MAGI3: variants seen among roughly 807,000 people sequenced by gnomAD.
MAGI3 encodes the protein membrane-associated guanylate kinase, WW and PDZ domain-containing protein 3.
In MAGI3, 43 loss-of-function variants were observed where a neutral mutation model predicts 121.8. The observed-to-expected ratio is 0.35, with a 90% CI of 0.28 to 0.46. The LOEUF (loss-of-function observed/expected upper bound fraction) is 0.46, where lower values mean the gene tolerates loss of function less well. Ranked by LOEUF, MAGI3 falls within the 20% of genes least tolerant of loss-of-function variation. MAGI3 has a pLI of 1.00. For synonymous variants in MAGI3, 553 were observed against 639.3 expected (o/e 0.86, Z 2.04); for missense variants, 1,547 against 1,797.3 (o/e 0.86, Z 2.52).
At chr1:113,439,087 G>A (rs763233969) in intron 1 of MAGI3, among the ~76,000 whole-genome samples, 5 of 152,140 alleles carry the variant, frequency 3.3e-5, no homozygotes, top group East Asian at 1.9e-4. Flanking sequence ...CTGTGATACC[G>A]TGACAGTTTA....
At position 113,643,865 on chromosome 1, in the gene MAGI3, A is replaced by G. The variant is rs1009955247; in HGVS notation, c.1998+91A>G. On this transcript the variant is annotated intron_variant, in intron 11 of 20. Transcript: ENST00000307546. ...GTAAGAGGAGCTCACTGTGGTGATG[A>G]TTATCGACTGGGAGAAGTTAGGAGG... is the stretch of plus-strand genomic sequence containing the variant. 10 of 1,297,972 alleles carry G rather than the reference A, an allele frequency of 7.7e-6. No homozygotes were observed. The African/African-American group carries it at 1.0e-4, about 13-fold the overall frequency. The allele number at this position is 1,297,972 out of a possible 1,614,324, so 80.4% of individuals were successfully genotyped here. A position where few individuals can be genotyped will look rare whatever the true frequency, so the allele number is the denominator to read the frequency against.
intron 1 of MAGI3, among the ~76,000 whole-genome samples, chr1:113,534,344 C>A (rs1013147503): frequency 2.0e-5 from 3 of 152,150 alleles, no homozygotes; most frequent in African/African-American, 7.2e-5. Context: ...ATGCTCTAAT[C>A]CTTTAAGGTC....
At chr1:113,494,003 C>T (rs1656792219) in intron 1 of MAGI3, among the ~76,000 whole-genome samples, 1 of 152,164 alleles carries the variant, frequency 6.6e-6, no homozygotes, top group African/African-American at 2.4e-5. Context: ...CCATTTGACT[C>T]ATCAATTTCA....
intron 1 of MAGI3, among the ~76,000 whole-genome samples, chr1:113,461,860 C>T: frequency 6.6e-6 from 1 of 151,956 alleles, no homozygotes; most frequent in African/African-American, 2.4e-5. Context: ...CTATAAAGAA[C>T]TTAAGTAAAT....
intron 7 of MAGI3, chr1:113,618,748 C>T (rs1245812229): frequency 4.4e-6 from 1 of 228,108 alleles, no homozygotes; most frequent in Non-Finnish European, 8.8e-6. Flanking sequence ...TCGTGATCTG[C>T]CTGCCTTGGC....
chr1:113,490,050 A>G (rs1656592923), intron 1 of MAGI3, among the ~76,000 whole-genome samples: 1 of 152,148 alleles, frequency 6.6e-6, no homozygotes, highest in Non-Finnish European at 1.5e-5. Context: ...CCCAAGTAAA[A>G]TACTTCACAA....
At chr1:113,633,735 C>T (rs1244001817) in intron 9 of MAGI3, among the ~76,000 whole-genome samples, 1 of 152,110 alleles carries the variant, frequency 6.6e-6, no homozygotes, top group Non-Finnish European at 1.5e-5. Flanking sequence ...ATCTATAGTC[C>T]TTTGGGTATA....
intron 1 of MAGI3, among the ~76,000 whole-genome samples, chr1:113,481,679 A>C (rs1029365285): frequency 5.3e-5 from 8 of 152,202 alleles, no homozygotes; most frequent in African/African-American, 1.9e-4. Context: ...GATCAAAGCC[A>C]GTGTTTACCA....
chr1:113,617,993 T>C (rs1366851310), intron 7 of MAGI3, among the ~76,000 whole-genome samples: 4 of 152,198 alleles, frequency 2.6e-5, no homozygotes, highest in Non-Finnish European at 4.4e-5. Context: ...GGAACTGATA[T>C]GTAGTAGTAG....
At chr1:113,571,343 T>C (rs936031819) in intron 2 of MAGI3, among the ~76,000 whole-genome samples, 9 of 152,346 alleles carry the variant, frequency 5.9e-5, no homozygotes, top group African/African-American at 2.2e-4. Context: ...TCCAGCTTTG[T>C]TCCTTTTGCT....
intron 2 of MAGI3, among the ~76,000 whole-genome samples, chr1:113,557,512 CTT>C (rs1224560335): frequency 6.6e-6 from 1 of 152,124 alleles, no homozygotes; most frequent in Non-Finnish European, 1.5e-5. Flanking sequence ...CCAGCTGGCT[CTT>C]CACAGCCAGG....
intron 1 of MAGI3, among the ~76,000 whole-genome samples, chr1:113,449,262 C>T (rs1200033176): frequency 6.6e-6 from 1 of 151,910 alleles, no homozygotes; most frequent in African/African-American, 2.4e-5. Context: ...AATGACGTCA[C>T]AGTGGAATAG....
chr1:113,639,829 A>G lies in MAGI3; in HGVS notation c.1361-2082A>G, dbSNP rs182696169. ...GTGATCCACCTGCCTCAGCCTCCCAAAGTGCGGGGATTACAGGCGTGAGCC... is the reference window on the plus strand; with the variant it reads ...GTGATCCACCTGCCTCAGCCTCCCAGAGTGCGGGGATTACAGGCGTGAGCC... On this transcript the variant is annotated intron_variant, in intron 9 of 20. Coordinates refer to ENST00000307546, the MANE Select transcript of MAGI3 (RefSeq NM_001142782.2). Among the ~76,000 whole-genome samples the G allele has an allele frequency of 1.9e-3, 285 of 152,096 alleles. 11 individuals are homozygous for G. In the East Asian group the frequency reaches 0.049, roughly 26 times the overall value.
chr1:113,603,257 A>G (rs1649519231), intron 6 of MAGI3, among the ~76,000 whole-genome samples: 1 of 152,192 alleles, frequency 6.6e-6, no homozygotes, highest in Non-Finnish European at 1.5e-5. Flanking sequence ...GGATAAATTC[A>G]TGGAAACATA....
chr1:113,555,897 A>C (rs1659971375), intron 2 of MAGI3, among the ~76,000 whole-genome samples: 1 of 151,042 alleles, frequency 6.6e-6, no homozygotes, highest in African/African-American at 2.4e-5. Context: ...AAAAATAGAG[A>C]AAGAAAGAAA....
intron 1 of MAGI3, among the ~76,000 whole-genome samples, chr1:113,414,519 G>T (rs1652194661): frequency 6.6e-6 from 1 of 151,828 alleles, no homozygotes; most frequent in Non-Finnish European, 1.5e-5. Flanking sequence ...GATTTTTTTT[G>T]TTGGTAGGCT....
intron 7 of MAGI3, 117 bp downstream of exon 7, chr1:113,614,775 C>T (rs1402122095): frequency 2.9e-6 from 2 of 680,064 alleles, no homozygotes; most frequent in Non-Finnish European, 4.8e-6. Flanking sequence ...AGTTTTTCAA[C>T]TAGGGGAATG....
At chr1:113,395,962 A>G (rs1006633496) in intron 1 of MAGI3, among the ~76,000 whole-genome samples, 1 of 152,150 alleles carries the variant, frequency 6.6e-6, no homozygotes, top group Non-Finnish European at 1.5e-5. Context: ...CCTGGGACGT[A>G]TACATTATTT....
chr1:113,599,242 A>G (rs1209896366), intron 6 of MAGI3, among the ~76,000 whole-genome samples: 5 of 152,286 alleles, frequency 3.3e-5, no homozygotes, highest in African/African-American at 7.2e-5. Flanking sequence ...AAGGAAATAG[A>G]GACACAAAAA....
Sources: gnomAD v4.1 joint callset for allele counts (sites outside exome capture counted in the v4.1 genomes callset) on GRCh38, gnomAD v4.1.1 for gene constraint, MANE v1.5 for transcripts, NCBI Gene and HGNC (gene_info 2026-07-23, HGNC 2026-07-21) for gene names.